The following CSNK2A1 variants were observed in gnomAD, a reference collection of about 807,000 sequenced individuals.
The protein encoded by CSNK2A1 is casein kinase 2 alpha 1, also known as casein kinase II subunit alpha.
In CSNK2A1, 10 loss-of-function variants were observed where a neutral mutation model predicts 62.9. That is an observed-to-expected ratio of 0.16 (90% CI 0.10 to 0.27). The LOEUF (loss-of-function observed/expected upper bound fraction) is 0.27, where lower values mean the gene tolerates loss of function less well. CSNK2A1 is among the 10% of genes least tolerant of loss of function. CSNK2A1 has a pLI of 1.00. For missense variants in CSNK2A1, 160 were observed against 492.0 expected (o/e 0.33, Z 6.38); for synonymous variants, 124 against 167.8 (o/e 0.74, Z 2.02).
In CSNK2A1 at chr20:478,817, C is replaced by T; in HGVS notation, c.*5144G>A. ...AGCATGATGGCTCGTGCCTGTAGTC[C>T]CTGGAAGGCTGAGTTGGGAGGATCA... On this transcript the variant is annotated 3_prime_UTR_variant, in exon 14 of 14. Transcript: ENST00000217244. 3.5e-6 allele frequency: 1 copy of T among 285,598 alleles called. No individual in the cohort carries two copies. The highest frequency in any genetic ancestry group is 1.3e-3 in the Middle Eastern group (1 of 754). 17.7% of individuals were successfully genotyped at this position (285,598 alleles called of 1,614,324 possible).
intron 8 of CSNK2A1, among the ~76,000 whole-genome samples, chr20:493,608 T>A (rs1476536051): frequency 2.6e-5 from 4 of 152,158 alleles, no homozygotes; most frequent in African/African-American, 9.7e-5. Flanking sequence ...ATCAAGAAAC[T>A]GACACTGGCA....
intron 2 of CSNK2A1, among the ~76,000 whole-genome samples, chr20:509,494 T>C (rs1330660098): frequency 6.6e-6 from 1 of 152,234 alleles, no homozygotes; most frequent in East Asian, 1.9e-4. Flanking sequence ...TGAAATTGTA[T>C]TGAGTCTCCA....
In CSNK2A1 at chr20:517,569, T is replaced by C. The variant is rs141099333; in HGVS notation, c.-109-8909A>G. Among the ~76,000 whole-genome samples, 205 of 152,194 alleles carry C rather than the reference T, an allele frequency of 1.3e-3. 2 individuals carry two copies. In the East Asian group the frequency reaches 0.025, roughly 19 times the overall value. ...CAACCCATCATTCATTCAACAAATATTTATGGAGTACCTAAAATGGGGAAA... is the reference window on the plus strand; with the variant it reads ...CAACCCATCATTCATTCAACAAATACTTATGGAGTACCTAAAATGGGGAAA... On this transcript the variant is annotated intron_variant, in intron 2 of 13. Coordinates refer to ENST00000217244, the MANE Select transcript of CSNK2A1 (RefSeq NM_177559.3).
rs1327059658 is a variant in CSNK2A1 at position 483,184 on chromosome 20, GAA to G, written c.*775_*776del. The G allele has an allele frequency of 6.6e-6, 1 of 152,180 alleles. No homozygotes were observed. The highest frequency in any genetic ancestry group is 1.5e-5 in the Non-Finnish European group (1 of 68,034). 9.4% of individuals were successfully genotyped at this position (152,180 alleles called of 1,614,324 possible). A position where few individuals can be genotyped will look rare whatever the true frequency, so the allele number is the denominator to read the frequency against. Reference sequence around the variant, plus strand: ...CACAGCATGTTGGGAGATGAACAGGGAAAAGACCAAGGTAAGGAGCCTGGGAG... The same window carrying G: ...CACAGCATGTTGGGAGATGAACAGGGAAGACCAAGGTAAGGAGCCTGGGAG... On this transcript the variant is annotated 3_prime_UTR_variant, in exon 14 of 14. Coordinates refer to ENST00000217244, the MANE Select transcript of CSNK2A1 (RefSeq NM_177559.3).
intron 2 of CSNK2A1, among the ~76,000 whole-genome samples, chr20:511,697 T>TAC (rs1568536869): frequency 1.0e-5 from 1 of 98,020 alleles, no homozygotes; most frequent in African/African-American, 7.2e-5. Flanking sequence ...GCACTGTGTA[T>TAC]ATATATACAC....
intron 1 of CSNK2A1, among the ~76,000 whole-genome samples, chr20:534,656 AG>A (rs941783514): frequency 7.2e-5 from 11 of 152,160 alleles, no homozygotes; most frequent in Admixed American, 2.6e-4. Flanking sequence ...AAAACCCCCT[AG>A]TATAACAACT....
intron 4 of CSNK2A1, chr20:501,587 T>C (rs767375215): frequency 6.6e-6 from 1 of 152,204 alleles, no homozygotes; most frequent in Non-Finnish European, 1.5e-5. Context: ...TGAAATCTAA[T>C]GTATTTTACT....
intron 2 of CSNK2A1, among the ~76,000 whole-genome samples, chr20:517,989 T>G (rs1600400011): frequency 6.6e-6 from 1 of 152,216 alleles, no homozygotes; most frequent in African/African-American, 2.4e-5. Flanking sequence ...CTTCCAACAC[T>G]AATCAGTTCC....
In CSNK2A1 at chr20:482,390, A is replaced by T. The variant is rs749885474; in HGVS notation, c.*1571T>A. 2.6e-5 allele frequency: 4 copies of T among 152,192 alleles called. No individual in the cohort carries two copies. The highest frequency in any genetic ancestry group is 4.8e-5 in the African/African-American group (2 of 41,428). 9.4% of individuals were successfully genotyped at this position (152,192 alleles called of 1,614,324 possible). On this transcript the variant is annotated 3_prime_UTR_variant, in exon 14 of 14. Transcript: ENST00000217244. ...AACTTAGGTGGTTGGATTACAGTGGAAAGTCCACTTTACACACACACACAA... is the reference window on the plus strand; with the variant it reads ...AACTTAGGTGGTTGGATTACAGTGGTAAGTCCACTTTACACACACACACAA...
chr20:487,609 C>A (rs546758119), intron 11 of CSNK2A1, 34 bp from the exon 12 acceptor site: 1 of 1,613,380 alleles, frequency 6.2e-7, no homozygotes, highest in Non-Finnish European at 8.5e-7. Flanking sequence ...AGAAATGGGC[C>A]ACGTGGGCAC....
intron 13 of CSNK2A1, 144 bp downstream of exon 13, chr20:486,232 G>T: frequency 1.2e-6 from 1 of 802,488 alleles, no homozygotes; most frequent in Non-Finnish European, 1.9e-6. Context: ...TATACCAAAT[G>T]TCAAGCATGC....
intron 1 of CSNK2A1, among the ~76,000 whole-genome samples, chr20:541,873 C>A (rs1466536364): frequency 6.6e-6 from 1 of 152,140 alleles, no homozygotes; most frequent in Non-Finnish European, 1.5e-5. Flanking sequence ...CAATAGCAAA[C>A]CAAAGCCAAG....
chr20:516,608 A>G (rs2122594490), intron 2 of CSNK2A1, among the ~76,000 whole-genome samples: 1 of 152,332 alleles, frequency 6.6e-6, no homozygotes, highest in East Asian at 1.9e-4. Context: ...CCCTCCTTCT[A>G]ATCTCTTATG....
At chr20:518,129 C>A (rs570913956) in intron 2 of CSNK2A1, among the ~76,000 whole-genome samples, 4 of 152,196 alleles carry the variant, frequency 2.6e-5, no homozygotes, top group African/African-American at 9.6e-5. Context: ...CCACACCTGG[C>A]CCACTCATCT....
chr20:487,923 C>A (rs987896379), intron 11 of CSNK2A1: 1 of 313,224 alleles, frequency 3.2e-6, no homozygotes, highest in Non-Finnish European at 6.0e-6. Context: ...GGCATCTCTG[C>A]CAATTGGCCA....
chr20:506,113 T>C (rs1345523121), intron 3 of CSNK2A1: 1 of 152,084 alleles, frequency 6.6e-6, no homozygotes, highest in Non-Finnish European at 1.5e-5. Context: ...CCTGACCTTG[T>C]GATCCGCCCG....
chr20:522,360 CCT>C (rs2018969749), intron 2 of CSNK2A1, among the ~76,000 whole-genome samples: 1 of 152,180 alleles, frequency 6.6e-6, no homozygotes, highest in Non-Finnish European at 1.5e-5. Flanking sequence ...ATCATATGCC[CCT>C]GATATAATGT....
intron 2 of CSNK2A1, among the ~76,000 whole-genome samples, chr20:511,566 A>C (rs953596019): frequency 2.0e-5 from 3 of 152,154 alleles, no homozygotes; most frequent in African/African-American, 7.2e-5. Context: ...ACCTCATATA[A>C]GTGGAATCAG....
chr20:505,639 G>C (rs2018564133), intron 3 of CSNK2A1, among the ~76,000 whole-genome samples: 1 of 150,722 alleles, frequency 6.6e-6, no homozygotes, highest in Admixed American at 6.6e-5. Context: ...TGGGATTACA[G>C]GCGTGAGCCA....
Sources: allele counts gnomAD v4.1 joint callset (sites outside exome capture counted in the v4.1 genomes callset), GRCh38; gene constraint gnomAD v4.1.1; transcripts MANE v1.5; gene names NCBI Gene and HGNC (gene_info 2026-07-23, HGNC 2026-07-21).